NFIB: variants seen among roughly 807,000 people sequenced by gnomAD.
The protein encoded by NFIB is nuclear factor I B.
A neutral mutation model predicts 61.5 loss-of-function variants in NFIB; 11 were observed. The observed-to-expected ratio is 0.18, with a 90% confidence interval of 0.11 to 0.30. NFIB has a LOEUF of 0.30. NFIB is among the 10% of genes least tolerant of loss of function. NFIB has a pLI of 1.00. For synonymous variants in NFIB, 260 were observed against 216.5 expected, an observed-to-expected ratio of 1.20 and a Z score of -1.76; for missense variants, 471 against 608.9, an observed-to-expected ratio of 0.77 and a Z score of 2.38.
chr9:14,349,633 A>G (rs1446098959), intron 1 of NFIB, among the ~76,000 whole-genome samples: 1 of 152,122 alleles, frequency 6.6e-6, no homozygotes, highest in African/African-American at 2.4e-5. Flanking sequence ...TACATTCCCT[A>G]CGGCCACAAA....
chr9:14,346,867 T>C (rs907206804), intron 1 of NFIB, among the ~76,000 whole-genome samples: 4 of 152,146 alleles, frequency 2.6e-5, no homozygotes, highest in Admixed American at 2.6e-4. Flanking sequence ...AACTGCTACC[T>C]ATTGCTGTCT....
chr9:14,150,978 G>A (rs536926785), intron 4 of NFIB, among the ~76,000 whole-genome samples: 2 of 151,912 alleles, frequency 1.3e-5, no homozygotes, highest in Non-Finnish European at 2.9e-5. Flanking sequence ...TTTAATTTTA[G>A]ATATCATGAA....
chr9:14,368,732 A>G (rs1480787283), intron 1 of NFIB, among the ~76,000 whole-genome samples: 5 of 152,166 alleles, frequency 3.3e-5, no homozygotes, highest in Non-Finnish European at 5.9e-5. Context: ...GATGTCTTCT[A>G]CTCCATTCCC....
In NFIB at chr9:14,120,281, T is replaced by A. The variant is rs940108217; in HGVS notation, c.1245+159A>T. 1.3e-5 allele frequency among the ~76,000 whole-genome samples: 2 copies of A among 152,228 alleles called. No individual in the cohort carries two copies. The highest frequency in any genetic ancestry group is 2.9e-5 in the Non-Finnish European group (2 of 68,042). On this transcript the variant is annotated intron_variant, in intron 8 of 10. Coordinates refer to ENST00000380953, the MANE Select transcript of NFIB (RefSeq NM_001190737.2). This position sits in a 1 kb window ranked among gnomAD's most constrained non-coding sequence, Gnocchi z 4.4. ...ACTTCCTACCTGTCATTCAGCCACCTTTAAATAAAAACTTATTGAGTCACC... is the reference window on the plus strand; with the variant it reads ...ACTTCCTACCTGTCATTCAGCCACCATTAAATAAAAACTTATTGAGTCACC...
intron 2 of NFIB, among the ~76,000 whole-genome samples, chr9:14,290,598 C>T (rs1198192661): frequency 1.3e-5 from 2 of 152,008 alleles, no homozygotes; most frequent in South Asian, 2.1e-4. Flanking sequence ...TTCCAGAATA[C>T]GTGCTATTGC....
At chr9:14,095,854 T>C (rs989317454) in intron 10 of NFIB, among the ~76,000 whole-genome samples, 5 of 152,164 alleles carry the variant, frequency 3.3e-5, no homozygotes, top group African/African-American at 1.2e-4. Context: ...CAAAAGATCT[T>C]ACATGGGCAA....
intron 3 of NFIB, among the ~76,000 whole-genome samples, chr9:14,170,013 A>G (rs577769486): frequency 2.0e-5 from 3 of 152,352 alleles, no homozygotes; most frequent in South Asian, 2.1e-4. Flanking sequence ...AATTAGACAC[A>G]TATCTACTTA....
chr9:14,234,103 G>A (rs1162695279), intron 2 of NFIB, among the ~76,000 whole-genome samples: 5 of 152,130 alleles, frequency 3.3e-5, no homozygotes, highest in African/African-American at 9.7e-5. Flanking sequence ...ATTGAAGCCT[G>A]CAGTCCTGTG....
chr9:14,434,831 C>A, the NFIB span, among the ~76,000 whole-genome samples: 2 of 152,186 alleles, frequency 1.3e-5, no homozygotes, highest in Non-Finnish European at 1.5e-5. Flanking sequence ...AATACCTAAT[C>A]AATGGATTGT....
chr9:14,365,098 T>C (rs1047617348), intron 1 of NFIB, among the ~76,000 whole-genome samples: 1 of 152,220 alleles, frequency 6.6e-6, no homozygotes, highest in African/African-American at 2.4e-5. Context: ...ACACTACCCA[T>C]GTAAAGTGCT....
chr9:14,097,584 A>G (rs2035005203), intron 10 of NFIB, among the ~76,000 whole-genome samples: 1 of 152,206 alleles, frequency 6.6e-6, no homozygotes, highest in African/African-American at 2.4e-5. Context: ...TGCCCTTATC[A>G]TACGTATGCC....
the NFIB span, among the ~76,000 whole-genome samples, chr9:14,444,135 A>G: frequency 2.6e-5 from 4 of 152,200 alleles, no homozygotes; most frequent in African/African-American, 7.2e-5. Context: ...TCAGTTTGAG[A>G]TGCCAATGAA....
At chr9:14,392,708 G>A (rs969992925) in intron 1 of NFIB, among the ~76,000 whole-genome samples, 1 of 149,726 alleles carries the variant, frequency 6.7e-6, no homozygotes, top group Non-Finnish European at 1.5e-5. Context: ...GGCAGAGCAA[G>A]ACCTTGTCTC....
At chr9:14,188,275 G>A (rs555616987) in intron 2 of NFIB, among the ~76,000 whole-genome samples, 2 of 152,192 alleles carry the variant, frequency 1.3e-5, no homozygotes, top group South Asian at 4.1e-4. Flanking sequence ...TTTTTAAACT[G>A]GTCGAGTTAG....
chr9:14,353,853 C>CTTTTT lies in NFIB; in HGVS notation c.108+44666_108+44670dup, dbSNP rs59303621. On this transcript the variant is annotated intron_variant, in intron 1 of 8. Coordinates refer to the NFIB transcript ENST00000380934. ...TAGTGGAGAGCGAGAGGGGTTTTGT[C>CTTTTT]TTTTTTTTTTTTTTTTTTTGCATGC... Among the ~76,000 whole-genome samples the CTTTTT allele has an allele frequency of 8.4e-5, 10 of 118,744 alleles. No individual in the cohort carries two copies. The Admixed American group carries it at 8.5e-4, about 10-fold the overall frequency. The allele number at this position is 118,744 out of a possible 152,430, so 77.9% of individuals were successfully genotyped here. A position where few individuals can be genotyped will look rare whatever the true frequency, so the allele number is the denominator to read the frequency against.
At chr9:14,113,686 A>G (rs2037713611) in intron 9 of NFIB, among the ~76,000 whole-genome samples, 1 of 152,160 alleles carries the variant, frequency 6.6e-6, no homozygotes, top group South Asian at 2.1e-4. Flanking sequence ...GTCTGATAGG[A>G]ATGTTTTTGA....
chr9:14,510,545 T>C, the NFIB span, among the ~76,000 whole-genome samples: 1 of 152,244 alleles, frequency 6.6e-6, no homozygotes, highest in African/African-American at 2.4e-5. Flanking sequence ...GCATATAACA[T>C]ATTATAACTG....
upstream of NFIB, chr9:14,314,296 G>A (rs944459411): frequency 1.8e-5 from 6 of 334,484 alleles, no homozygotes; most frequent in African/African-American, 1.1e-4. Context: ...AGCAGCCGCC[G>A]CCGCCCGCGC....
At chr9:14,300,271 T>G (rs1053737816) in intron 2 of NFIB, 22 of 398,280 alleles carry the variant, frequency 5.5e-5, no homozygotes, top group African/African-American at 2.1e-5. Flanking sequence ...CCGTAATAAC[T>G]CAAGTTTCCG....
Sources: allele counts gnomAD v4.1 joint callset (sites outside exome capture counted in the v4.1 genomes callset), GRCh38; gene constraint gnomAD v4.1.1; non-coding constraint Gnocchi (gnomAD v3.1); transcripts MANE v1.5; gene names NCBI Gene and HGNC (gene_info 2026-07-23, HGNC 2026-07-21).